Variants in TMEM236 observed in about 807,000 individuals in gnomAD.
TMEM236 encodes family with sequence similarity 23, member A.
In TMEM236, 11 loss-of-function variants were observed where a neutral mutation model predicts 14.7. The observed-to-expected ratio is 0.75, with a 90% confidence interval of 0.47 to 1.24. The LOEUF is 1.24. Ranked by LOEUF, TMEM236 falls within the 50% of genes most tolerant of loss-of-function variation. The pLI, the probability that TMEM236 is intolerant of heterozygous loss-of-function variation, is 0.00. For missense variants in TMEM236, 464 were observed against 427.3 expected (o/e 1.09, Z -0.76); for synonymous variants, 182 against 168.6 (o/e 1.08, Z -0.62).
At chr10:17,789,726 T>A (rs1445659910) in intron 3 of TMEM236, among the ~76,000 whole-genome samples, 1 of 150,784 alleles carries the variant, frequency 6.6e-6, no homozygotes, top group Admixed American at 6.6e-5. Flanking sequence ...TACAAAAAAT[T>A]AAAAAATGAG....
At chr10:17,783,638 C>A (rs903141850) in intron 3 of TMEM236, among the ~76,000 whole-genome samples, 1 of 152,168 alleles carries the variant, frequency 6.6e-6, no homozygotes, top group Admixed American at 6.5e-5. Context: ...GCTCACAGTC[C>A]GTGCAAGCTT....
intron 1 of TMEM236, among the ~76,000 whole-genome samples, chr10:17,752,928 G>GT (rs1296356677): frequency 2.0e-5 from 3 of 152,118 alleles, no homozygotes; most frequent in Non-Finnish European, 2.9e-5. Context: ...TTGTTTGTTT[G>GT]TTTTTTTGTT....
chr10:17,796,702 A>G lies in TMEM236; in HGVS notation c.*198A>G, dbSNP rs1385496657. Reference sequence around the variant, plus strand: ...TGGTGCTAAATTTAAGTAAAGTAATATTCTTATAAGTTGGCTCTCAGGTAT... The same window carrying G: ...TGGTGCTAAATTTAAGTAAAGTAATGTTCTTATAAGTTGGCTCTCAGGTAT... On this transcript the variant is annotated 3_prime_UTR_variant, in exon 4 of 4. Transcript: ENST00000377495. The G allele has an allele frequency of 1.5e-5, 9 of 597,860 alleles. 2 individuals carry two copies. The highest frequency in any genetic ancestry group is 5.8e-6 in the Non-Finnish European group (2 of 341,990). The allele number at this position is 597,860 out of a possible 1,614,324, so 37.0% of individuals were successfully genotyped here.
chr10:17,796,424 C>T lies in TMEM236; in HGVS notation c.976C>T (p.Leu326Phe). The T allele has an allele frequency of 6.2e-7, 1 of 1,613,822 alleles. No individual in the cohort carries two copies. The highest frequency in any genetic ancestry group is 1.1e-5 in the South Asian group (1 of 91,068). ...CGTACTGGGCCTGTGTAAAAATATCCTCGTGACTCTCTCTTACATTTACTT... is the reference window on the plus strand; with the variant it reads ...CGTACTGGGCCTGTGTAAAAATATCTTCGTGACTCTCTCTTACATTTACTT... ...TPVLGLCKNI[L>F]VTLSYIYFNY... The change falls in exon 4 of 4, where the codon CTC becomes TTC. Residue 326 changes from leucine to phenylalanine, a missense_variant. By Grantham distance (22) the Leu-to-Phe change is conservative (BLOSUM62 0). Coordinates refer to ENST00000377495, the MANE Select transcript of TMEM236 (RefSeq NM_001098844.3).
intron 1 of TMEM236, among the ~76,000 whole-genome samples, chr10:17,768,342 A>G (rs1245152855): frequency 6.6e-6 from 1 of 152,160 alleles, no homozygotes; most frequent in African/African-American, 2.4e-5. Flanking sequence ...AACTTTAAAA[A>G]GAATTTGGAT....
intron 2 of TMEM236, among the ~76,000 whole-genome samples, chr10:17,775,205 A>T (rs1192080604): frequency 6.6e-6 from 1 of 152,168 alleles, no homozygotes; most frequent in Admixed American, 6.5e-5. Flanking sequence ...TCCTGATTTC[A>T]GAGGGAAAAC....
At chr10:17,771,264 G>T (rs781869415) in intron 1 of TMEM236, 45 bp from the exon 2 acceptor site, 8 of 1,569,780 alleles carry the variant, frequency 5.1e-6, no homozygotes, top group Non-Finnish European at 7.0e-6. Flanking sequence ...AGGAACTGTC[G>T]ATCTTGTCCA....
intron 3 of TMEM236, among the ~76,000 whole-genome samples, chr10:17,786,753 T>C (rs1837843513): frequency 6.6e-6 from 1 of 152,188 alleles, no homozygotes; most frequent in South Asian, 2.1e-4. Flanking sequence ...CTGATATGGT[T>C]TGGCTGTGTC....
intron 1 of TMEM236, among the ~76,000 whole-genome samples, chr10:17,757,359 A>G (rs1837298434): frequency 6.6e-6 from 1 of 152,132 alleles, no homozygotes; most frequent in Non-Finnish European, 1.5e-5. Flanking sequence ...AGACTTTGAG[A>G]GGCTTAGGTG....
intron 3 of TMEM236, among the ~76,000 whole-genome samples, chr10:17,779,287 T>C (rs1332388404): frequency 6.6e-6 from 1 of 152,060 alleles, no homozygotes; most frequent in African/African-American, 2.4e-5. Context: ...AATCATGACC[T>C]TGAACCACCT....
At chr10:17,761,740 C>T (rs1414715194) in intron 1 of TMEM236, among the ~76,000 whole-genome samples, 3 of 151,756 alleles carry the variant, frequency 2.0e-5, no homozygotes, top group Non-Finnish European at 2.9e-5. Flanking sequence ...ATCTCAGCCG[C>T]ACCCCTTAAA....
chr10:17,799,031 G>A lies in TMEM236; in HGVS notation c.*2527G>A, dbSNP rs938821028. On this transcript the variant is annotated 3_prime_UTR_variant, in exon 4 of 4. Coordinates refer to ENST00000377495, the MANE Select transcript of TMEM236 (RefSeq NM_001098844.3). ...TTACTTCAGACTATACTTTTTCATC[G>A]AGGAGTATTGTATTCAAAAGTGATC... 8 of 262,718 alleles carry A rather than the reference G, an allele frequency of 3.0e-5. No homozygotes were observed. In the East Asian group the frequency reaches 4.2e-4, roughly 14 times the overall value. The allele number at this position is 262,718 out of a possible 1,614,324, so 16.3% of individuals were successfully genotyped here.
chr10:17,778,085 A>G (rs1017526681), intron 3 of TMEM236, among the ~76,000 whole-genome samples: 5 of 152,168 alleles, frequency 3.3e-5, no homozygotes, highest in South Asian at 4.1e-4. Context: ...CATAACTTCA[A>G]TAATGACACT....
At chr10:17,795,685 C>G (rs1837999871) in intron 3 of TMEM236, among the ~76,000 whole-genome samples, 1 of 152,064 alleles carries the variant, frequency 6.6e-6, no homozygotes, top group East Asian at 1.9e-4. Context: ...GGCTTAATAT[C>G]TAGGTGATGG....
chr10:17,787,114 T>C (rs2131762708), intron 3 of TMEM236, among the ~76,000 whole-genome samples: 1 of 152,322 alleles, frequency 6.6e-6, no homozygotes, highest in East Asian at 1.9e-4. Flanking sequence ...AACGGACTAA[T>C]ACATGCCCTT....
At chr10:17,776,404 A>T (rs2131753422) in intron 3 of TMEM236, among the ~76,000 whole-genome samples, 2 of 152,370 alleles carry the variant, frequency 1.3e-5, no homozygotes, top group South Asian at 4.1e-4. Context: ...ATTAAAAATT[A>T]TCAAATAGTT....
chr10:17,783,149 T>A (rs1837781556), intron 3 of TMEM236, among the ~76,000 whole-genome samples: 1 of 152,154 alleles, frequency 6.6e-6, no homozygotes, highest in Admixed American at 6.5e-5. Context: ...AGCCGAATGA[T>A]ATCAGGATGA....
rs1211341141 is a variant in TMEM236 at position 17,800,304 on chromosome 10, T to A, written c.*3800T>A. On this transcript the variant is annotated 3_prime_UTR_variant, in exon 4 of 4. Coordinates refer to ENST00000377495, the MANE Select transcript of TMEM236 (RefSeq NM_001098844.3). ...AAAAATTAATCTATGATTAGGCTAT[T>A]AATATATAGTCTAATAATTTTATTG... 1 of 151,770 alleles carries A rather than the reference T, an allele frequency of 6.6e-6. No homozygotes were observed. The highest frequency in any genetic ancestry group is 1.5e-5 in the Non-Finnish European group (1 of 67,920). The allele number at this position is 151,770 out of a possible 1,614,324, so 9.4% of individuals were successfully genotyped here.
intron 2 of TMEM236, among the ~76,000 whole-genome samples, chr10:17,774,896 C>A (rs1837635199): frequency 6.6e-6 from 1 of 151,920 alleles, no homozygotes; most frequent in Non-Finnish European, 1.5e-5. Context: ...CTCCTGGGTT[C>A]AAGCAATTCT....
Sources: gnomAD v4.1 joint callset for allele counts (sites outside exome capture counted in the v4.1 genomes callset) on GRCh38, gnomAD v4.1.1 for gene constraint, MANE v1.5 for transcripts, NCBI Gene and HGNC (gene_info 2026-07-23, HGNC 2026-07-21) for gene names.